BMAL1: variants seen among roughly 807,000 people sequenced by gnomAD.
The protein encoded by BMAL1 is basic helix-loop-helix ARNT like 1.
the BMAL1 span, among the ~76,000 whole-genome samples, chr11:13,341,218 C>T: frequency 6.6e-6 from 1 of 152,210 alleles, no homozygotes; most frequent in African/African-American, 2.4e-5. Context: ...GACACGCCCA[C>T]TGCCTGGCCT....
the BMAL1 span, among the ~76,000 whole-genome samples, chr11:13,283,027 CA>C: frequency 6.6e-6 from 1 of 152,174 alleles, no homozygotes; most frequent in African/African-American, 2.4e-5. Context: ...GACTTAACCT[CA>C]GGGGGAGATA....
the BMAL1 span, chr11:13,326,604 C>A: frequency 1.3e-5 from 2 of 152,090 alleles, no homozygotes; most frequent in Non-Finnish European, 2.9e-5. Context: ...GCCAAACAGA[C>A]CCTGGATTGA....
the BMAL1 span, among the ~76,000 whole-genome samples, chr11:13,309,339 G>C: frequency 4.6e-4 from 70 of 152,238 alleles, no homozygotes; most frequent in African/African-American, 1.6e-3. Context: ...CGGGCCAGTT[G>C]GTGCAGGCCC....
the BMAL1 span, among the ~76,000 whole-genome samples, chr11:13,318,301 A>G: frequency 2.6e-5 from 4 of 152,186 alleles, no homozygotes; most frequent in African/African-American, 9.7e-5. Context: ...TGATAGCCCA[A>G]ATGGCTATAA....
the BMAL1 span, among the ~76,000 whole-genome samples, chr11:13,337,833 G>C: frequency 6.6e-6 from 1 of 152,150 alleles, no homozygotes; most frequent in African/African-American, 2.4e-5. Context: ...AGAAAAGGTA[G>C]TATTGCTTCA....
the BMAL1 span, among the ~76,000 whole-genome samples, chr11:13,282,513 CTG>C: frequency 6.6e-6 from 1 of 152,198 alleles, no homozygotes; most frequent in Admixed American, 6.5e-5. Flanking sequence ...TGCCTGGACA[CTG>C]TAGTCAAGCT....
chr11:13,368,402 G>T, the BMAL1 span, among the ~76,000 whole-genome samples: 1 of 152,202 alleles, frequency 6.6e-6, no homozygotes, highest in African/African-American at 2.4e-5. Flanking sequence ...GAGCCACATG[G>T]CTTGCTTGGT....
At chr11:13,355,920 A>G in the BMAL1 span, among the ~76,000 whole-genome samples, 1 of 152,146 alleles carries the variant, frequency 6.6e-6, no homozygotes, top group Non-Finnish European at 1.5e-5. Flanking sequence ...CTGTGGGATA[A>G]AGGAAAAAGG....
the BMAL1 span, among the ~76,000 whole-genome samples, chr11:13,357,748 C>T: frequency 6.6e-6 from 1 of 152,234 alleles, no homozygotes. The surrounding 1 kb of genome is among the most constrained non-coding windows in gnomAD (Gnocchi z 4.8). Flanking sequence ...TCTGCGGCAG[C>T]TGCAGCAAAC....
At chr11:13,278,679 G>T in the BMAL1 span, among the ~76,000 whole-genome samples, 1 of 152,348 alleles carries the variant, frequency 6.6e-6, no homozygotes, top group East Asian at 1.9e-4. Context: ...GATGCCCCGT[G>T]GGTCTGCGGG....
At chr11:13,343,267 G>A in the BMAL1 span, among the ~76,000 whole-genome samples, 2 of 152,180 alleles carry the variant, frequency 1.3e-5, no homozygotes, top group African/African-American at 4.8e-5. Context: ...GTTCTAAAGG[G>A]TCTAGAGCAG....
chr11:13,298,860 C>A, the BMAL1 span, among the ~76,000 whole-genome samples: 1 of 152,222 alleles, frequency 6.6e-6, no homozygotes, highest in African/African-American at 2.4e-5. Context: ...CTTCATTTTG[C>A]CTTCTCTGTC....
chr11:13,351,265 T>C, the BMAL1 span, among the ~76,000 whole-genome samples: 1 of 152,310 alleles, frequency 6.6e-6, no homozygotes. Flanking sequence ...GTCGAGCTCA[T>C]AGGATTTGCT....
At chr11:13,336,496 C>T in the BMAL1 span, among the ~76,000 whole-genome samples, 1 of 152,140 alleles carries the variant, frequency 6.6e-6, no homozygotes, top group Non-Finnish European at 1.5e-5. Flanking sequence ...GTGGGGGCAA[C>T]TTGTAGGCCA....
the BMAL1 span, among the ~76,000 whole-genome samples, chr11:13,322,007 A>G: frequency 2.6e-5 from 4 of 152,152 alleles, no homozygotes; most frequent in Admixed American, 2.6e-4. Context: ...TGCCTACTGC[A>G]TGAACCTGTT....
the BMAL1 span, among the ~76,000 whole-genome samples, chr11:13,327,281 A>G: frequency 6.6e-6 from 1 of 152,226 alleles, no homozygotes; most frequent in East Asian, 1.9e-4. Context: ...ATAACATGTA[A>G]TTTCCTAAGT....
At chr11:13,320,919 G>A in the BMAL1 span, among the ~76,000 whole-genome samples, 1 of 152,190 alleles carries the variant, frequency 6.6e-6, no homozygotes, top group Non-Finnish European at 1.5e-5. Flanking sequence ...GGGTATTGAA[G>A]GTTCAACAGG....
At chr11:13,295,463 C>G in the BMAL1 span, among the ~76,000 whole-genome samples, 15 of 152,238 alleles carry the variant, frequency 9.9e-5, no homozygotes, top group African/African-American at 3.6e-4. Context: ...GGATAGGAAC[C>G]TATGTCCCTG....
the BMAL1 span, among the ~76,000 whole-genome samples, chr11:13,282,382 T>C: frequency 0.23 from 35,389 of 152,140 alleles, 5,049 homozygotes; most frequent in African/African-American, 0.4. Context: ...CATGGCACAT[T>C]GCAAACACTC....
Sources: allele counts gnomAD v4.1 joint callset (sites outside exome capture counted in the v4.1 genomes callset), GRCh38; gene constraint gnomAD v4.1.1; non-coding constraint Gnocchi (gnomAD v3.1); transcripts MANE v1.5; gene names NCBI Gene and HGNC (gene_info 2026-07-23, HGNC 2026-07-21).